Variants in KCNS3 observed in about 807,000 individuals in gnomAD.
KCNS3 encodes potassium voltage-gated channel modifier subfamily S member 3.
In KCNS3, 13 loss-of-function variants were observed where a neutral mutation model predicts 31.0. The observed-to-expected ratio is 0.42, with a 90% CI of 0.27 to 0.67. The LOEUF is 0.67. Ranked by LOEUF, KCNS3 falls within the 30% of genes least tolerant of loss-of-function variation. KCNS3 has a pLI of 0.25. For missense variants in KCNS3, 545 were observed against 622.4 expected (o/e 0.88, Z 1.32); for synonymous variants, 238 against 241.5 (o/e 0.99, Z 0.13).
At chr2:17,920,329 A>G (rs1662681607) in intron 2 of KCNS3, among the ~76,000 whole-genome samples, 1 of 152,232 alleles carries the variant, frequency 6.6e-6, no homozygotes, top group Admixed American at 6.5e-5. Flanking sequence ...CAGGTGCATT[A>G]TCAGAGACAG....
intron 1 of KCNS3, among the ~76,000 whole-genome samples, chr2:17,882,402 A>G (rs1336077471): frequency 2.6e-5 from 4 of 152,234 alleles, no homozygotes; most frequent in East Asian, 1.9e-4. Context: ...GCTGATGAAG[A>G]AATTAAGGCA....
chr2:17,910,729 G>A (rs186737614), intron 1 of KCNS3, among the ~76,000 whole-genome samples: 88 of 152,068 alleles, frequency 5.8e-4, no homozygotes, highest in Non-Finnish European at 1.1e-3. Flanking sequence ...CAGGAGGCCC[G>A]AGGTGTGGTC....
chr2:17,902,952 A>G (rs971159536), intron 1 of KCNS3, among the ~76,000 whole-genome samples: 4 of 152,248 alleles, frequency 2.6e-5, no homozygotes, highest in Admixed American at 2.6e-4. Context: ...TATGTATATT[A>G]GAACTTATCT....
chr2:17,884,268 A>AAATAGATATAT (rs1459540269), intron 1 of KCNS3, among the ~76,000 whole-genome samples: 1 of 46,696 alleles, frequency 2.1e-5, no homozygotes, highest in African/African-American at 7.8e-5. Flanking sequence ...AAAAAAAAAA[A>AAATAGATATAT]ATATATATAT....
chr2:17,888,665 ATATAT>A (rs1235942549), intron 1 of KCNS3, among the ~76,000 whole-genome samples: 5 of 137,182 alleles, frequency 3.6e-5, no homozygotes, highest in Admixed American at 7.2e-5. Context: ...ATATATATAT[ATATAT>A]ATAAAGAAAA....
intron 1 of KCNS3, among the ~76,000 whole-genome samples, chr2:17,887,215 A>G (rs140038170): frequency 5.9e-5 from 9 of 152,126 alleles, no homozygotes; most frequent in African/African-American, 1.9e-4. Flanking sequence ...TGCACATATC[A>G]CCTGAACAGT....
At chr2:17,905,804 A>G (rs1020451347) in intron 1 of KCNS3, among the ~76,000 whole-genome samples, 13 of 152,214 alleles carry the variant, frequency 8.5e-5, no homozygotes, top group Non-Finnish European at 1.5e-4. Flanking sequence ...CATCCCAGGG[A>G]TGAAGCCCAC....
intron 1 of KCNS3, among the ~76,000 whole-genome samples, chr2:17,882,016 A>G (rs1674655023): frequency 6.6e-6 from 1 of 152,222 alleles, no homozygotes; most frequent in Non-Finnish European, 1.5e-5. Context: ...TCAATATAAG[A>G]AATTCAGAAA....
Position 17,917,807 on chromosome 2 carries a change from T to G in KCNS3, c.-124T>G, listed in dbSNP as rs1662624733. ...GTGTGCTGAGAAGGGCAGAGCTTCTTGGATGATGATGGACGTCCCACCGGG... is the reference window on the plus strand; with the variant it reads ...GTGTGCTGAGAAGGGCAGAGCTTCTGGGATGATGATGGACGTCCCACCGGG... On this transcript the variant is annotated 5_prime_UTR_variant, in exon 2 of 3. Coordinates refer to ENST00000304101, the MANE Select transcript of KCNS3 (RefSeq NM_002252.5). 6.5e-6 allele frequency: 1 copy of G among 152,684 alleles called. No individual in the cohort carries two copies. Among genetic ancestry groups the G allele is most frequent in the Non-Finnish European group, 1.5e-5 (1 of 68,078 alleles). The allele number at this position is 152,684 out of a possible 1,614,324, so 9.5% of individuals were successfully genotyped here.
At chr2:17,888,783 C>G (rs1225805695) in intron 1 of KCNS3, among the ~76,000 whole-genome samples, 1 of 150,900 alleles carries the variant, frequency 6.6e-6, no homozygotes, top group Non-Finnish European at 1.5e-5. Context: ...TTCCATTGGT[C>G]CATGTGCCTG....
chr2:17,928,110 C>T (rs747837095), intron 2 of KCNS3, among the ~76,000 whole-genome samples: 14 of 152,278 alleles, frequency 9.2e-5, no homozygotes, highest in Admixed American at 3.3e-4. Context: ...TTGACACTAG[C>T]AATTTGTACA....
At chr2:17,911,192 A>G (rs533642955) in intron 1 of KCNS3, among the ~76,000 whole-genome samples, 2 of 152,104 alleles carry the variant, frequency 1.3e-5, no homozygotes, top group South Asian at 4.2e-4. Flanking sequence ...ATACTACTGG[A>G]CCTTGTATTG....
rs945880549 is a variant in KCNS3, at chr2:17,931,364, A to G, written c.356A>G (p.Asn119Ser). ...NELFIDSCCS[N>S]RYQERKEENH... ...CTCTTCATTGATTCTTGCTGCAGCA[A>G]TCGCTACCAGGAACGCAAGGAGGAA... The change falls in exon 3 of 3, where the codon AAT (asparagine) becomes AGT (serine). Residue 119 changes from asparagine to serine, a missense_variant. Physicochemically the swap from Asn to Ser is conservative, Grantham distance 46. Coordinates refer to ENST00000304101, the MANE Select transcript of KCNS3 (RefSeq NM_002252.5). The surrounding 1 kb of genome is among the most constrained non-coding windows in gnomAD (Gnocchi z 5.4). 20 of 1,614,054 alleles carry G rather than the reference A, an allele frequency of 1.2e-5. No individual in the cohort carries two copies. The highest frequency in any genetic ancestry group is 5.0e-5 in the Admixed American group (3 of 60,002).
At chr2:17,916,085 C>T (rs1662580926) in intron 1 of KCNS3, among the ~76,000 whole-genome samples, 4 of 152,192 alleles carry the variant, frequency 2.6e-5, no homozygotes. Flanking sequence ...CTTGGGGATA[C>T]TTAGAAATGC....
At chr2:17,923,501 TC>T (rs1328139686) in intron 2 of KCNS3, among the ~76,000 whole-genome samples, 1 of 152,160 alleles carries the variant, frequency 6.6e-6, no homozygotes, top group Admixed American at 6.5e-5. Flanking sequence ...AACTATTTTT[TC>T]TTTATTTTTC....
At chr2:17,893,249 C>G (rs116486006) in intron 1 of KCNS3, among the ~76,000 whole-genome samples, 2,841 of 152,238 alleles carry the variant, frequency 0.019, 84 homozygotes, top group African/African-American at 0.063. Context: ...AACTGAAGGG[C>G]CGGTCCCACT....
At chr2:17,905,029 G>T (rs1558452614) in intron 1 of KCNS3, among the ~76,000 whole-genome samples, 1 of 152,266 alleles carries the variant, frequency 6.6e-6, no homozygotes, top group South Asian at 2.1e-4. Context: ...GGATGGCATT[G>T]AATCTATAAA....
At chr2:17,892,511 G>A (rs796338762) in intron 1 of KCNS3, among the ~76,000 whole-genome samples, 15 of 152,176 alleles carry the variant, frequency 9.9e-5, no homozygotes, top group African/African-American at 3.6e-4. Flanking sequence ...GAAGAGCCTT[G>A]TTTTGTTATA....
chr2:17,926,697 TG>T (rs1464575405), intron 2 of KCNS3, among the ~76,000 whole-genome samples: 3 of 152,220 alleles, frequency 2.0e-5, no homozygotes, highest in African/African-American at 7.2e-5. Flanking sequence ...GGTGCCATGT[TG>T]CAAGGCTGCA....
Sources: gnomAD v4.1 joint callset for allele counts (sites outside exome capture counted in the v4.1 genomes callset) on GRCh38, gnomAD v4.1.1 for gene constraint, Gnocchi (gnomAD v3.1) non-coding constraint, MANE v1.5 for transcripts, NCBI Gene and HGNC (gene_info 2026-07-23, HGNC 2026-07-21) for gene names.